Variants in LTBP1 observed in about 807,000 individuals in gnomAD.
The protein encoded by LTBP1 is latent-transforming growth factor beta-binding protein 1.
In LTBP1, 129 loss-of-function variants were observed where a neutral mutation model predicts 207.6. That is an observed-to-expected ratio of 0.62 (90% CI 0.54 to 0.72). The LOEUF is 0.72. Among genes scored for constraint, LTBP1 ranks in the 30% least tolerant of loss-of-function variants. The pLI is 0.00. For missense variants in LTBP1, 2,281 were observed against 2,217.2 expected (o/e 1.03, Z -0.58); for synonymous variants, 963 against 833.7 (o/e 1.16, Z -2.67).
At chr2:32,978,522 A>G (rs140659804) in intron 2 of LTBP1, among the ~76,000 whole-genome samples, 2,156 of 152,200 alleles carry the variant, frequency 0.014, 149 homozygotes, top group Admixed American at 0.13. Flanking sequence ...CATATGTTGA[A>G]CCATCCTTGC....
intron 9 of LTBP1, among the ~76,000 whole-genome samples, chr2:33,239,752 A>AAC (rs998317408): frequency 6.6e-6 from 1 of 150,928 alleles, no homozygotes; most frequent in Non-Finnish European, 1.5e-5. Context: ...AAAAAAAAAA[A>AAC]AATTAGCTGG....
chr2:33,263,276 C>T lies in LTBP1; in HGVS notation c.2519-18C>T. ...AACGGGCTTTAATTTTCTTTTTATC[C>T]TCTGCTTCCTCATATAGTAGTGATT... On this transcript the variant is annotated intron_variant, in intron 14 of 33. Coordinates refer to ENST00000404816, the MANE Select transcript of LTBP1 (RefSeq NM_206943.4). 2.6e-6 allele frequency: 4 copies of T among 1,513,418 alleles called. No individual in the cohort carries two copies. Among genetic ancestry groups the T allele is most frequent in the Non-Finnish European group, 1.8e-6 (2 of 1,090,046 alleles). The allele number at this position is 1,513,418 out of a possible 1,614,324, so 93.7% of individuals were successfully genotyped here.
At chr2:33,043,681 T>G (rs921436550) in intron 3 of LTBP1, among the ~76,000 whole-genome samples, 5 of 152,070 alleles carry the variant, frequency 3.3e-5, no homozygotes, top group Non-Finnish European at 7.4e-5. Context: ...AAGAAGGAAT[T>G]TGGCTGAGCA....
intron 22 of LTBP1, among the ~76,000 whole-genome samples, chr2:33,302,970 CACACACACACACACAA>C (rs1294907218): frequency 1.2e-3 from 179 of 150,806 alleles, no homozygotes; most frequent in African/African-American, 3.8e-3. Context: ...CACACACACA[CACACACACACACACAA>C]ACACACACAA....
At chr2:32,988,903 A>G (rs1201241754) in intron 2 of LTBP1, among the ~76,000 whole-genome samples, 1 of 151,970 alleles carries the variant, frequency 6.6e-6, no homozygotes, top group Non-Finnish European at 1.5e-5. Context: ...TTTGGGTAAT[A>G]TTGCATAATT....
At chr2:33,173,390 A>C (rs919225907) in intron 5 of LTBP1, among the ~76,000 whole-genome samples, 16 of 152,176 alleles carry the variant, frequency 1.1e-4, no homozygotes, top group South Asian at 6.2e-4. Flanking sequence ...TACGCAAATA[A>C]ACTATAAAAT....
intron 7 of LTBP1, among the ~76,000 whole-genome samples, chr2:33,204,160 T>G (rs2149151913): frequency 6.6e-6 from 1 of 152,232 alleles, no homozygotes; most frequent in East Asian, 1.9e-4. Flanking sequence ...CTCCTGAACC[T>G]TCTCTAAGAC....
chr2:33,277,440 G>A (rs777251516), intron 18 of LTBP1, among the ~76,000 whole-genome samples: 1 of 152,156 alleles, frequency 6.6e-6, no homozygotes, highest in Non-Finnish European at 1.5e-5. Context: ...CTGACCTGTA[G>A]CCACTGACTT....
chr2:33,006,571 C>T (rs1402343548), intron 2 of LTBP1, among the ~76,000 whole-genome samples: 5 of 151,444 alleles, frequency 3.3e-5, no homozygotes, highest in Admixed American at 1.3e-4. Context: ...TTATTAGAGA[C>T]GGGATTTCAC....
intron 18 of LTBP1, among the ~76,000 whole-genome samples, chr2:33,276,150 C>G (rs1351954205): frequency 6.6e-6 from 1 of 152,100 alleles, no homozygotes; most frequent in African/African-American, 2.4e-5. Flanking sequence ...ATCTGCCTCT[C>G]TGGTATTTGG....
chr2:33,389,992 A>G (rs2095301789), intron 32 of LTBP1, among the ~76,000 whole-genome samples: 1 of 152,188 alleles, frequency 6.6e-6, no homozygotes, highest in Non-Finnish European at 1.5e-5. Context: ...GTGGTGGACT[A>G]GTTTGAGGGC....
At chr2:33,017,186 G>A (rs9808119) in intron 2 of LTBP1, among the ~76,000 whole-genome samples, 2,023 of 152,214 alleles carry the variant, frequency 0.013, 38 homozygotes, top group African/African-American at 0.047. Context: ...GTATAGATAT[G>A]GAAAATGACA....
In LTBP1 at chr2:33,280,031, T is replaced by G. The variant is rs755713268; in HGVS notation, c.2993-8T>G. The G allele has an allele frequency of 3.1e-6, 5 of 1,613,008 alleles. No homozygotes were observed. The Admixed American group carries it at 5.0e-5, about 16-fold the overall frequency. On this transcript the variant is annotated splice_polypyrimidine_tract_variant and splice_region_variant and intron_variant, in intron 18 of 33. Coordinates refer to ENST00000404816, the MANE Select transcript of LTBP1 (RefSeq NM_206943.4). Reference sequence around the variant, plus strand: ...AAATGTTCACGACCTAGGTTTTTGATTTTTCAGATATTGATGAATGTTTGA... The same window carrying G: ...AAATGTTCACGACCTAGGTTTTTGAGTTTTCAGATATTGATGAATGTTTGA...
At chr2:33,040,646 G>A (rs1265951035) in intron 3 of LTBP1, among the ~76,000 whole-genome samples, 1 of 152,148 alleles carries the variant, frequency 6.6e-6, no homozygotes, top group Non-Finnish European at 1.5e-5. Flanking sequence ...CACACTTTGT[G>A]TTCCTGCCTG....
chr2:33,175,767 G>A (rs1480351546), intron 5 of LTBP1, among the ~76,000 whole-genome samples: 5 of 152,204 alleles, frequency 3.3e-5, no homozygotes, highest in Middle Eastern at 3.4e-3. Flanking sequence ...ATGGCCAACA[G>A]TGATAGACTG....
At chr2:33,042,418 T>G (rs1348386508) in intron 3 of LTBP1, among the ~76,000 whole-genome samples, 1 of 152,166 alleles carries the variant, frequency 6.6e-6, no homozygotes. Flanking sequence ...CAGTGTGATT[T>G]TGAAACAGGA....
intron 19 of LTBP1, among the ~76,000 whole-genome samples, chr2:33,282,802 C>T (rs1184501332): frequency 6.6e-6 from 1 of 152,176 alleles, no homozygotes; most frequent in African/African-American, 2.4e-5. Flanking sequence ...CGGTGGCTCA[C>T]GCCTGTAATC....
Position 33,076,057 on chromosome 2 carries a change from A to G in LTBP1, c.864-34525A>G, listed in dbSNP as rs558610201. 2.0e-4 allele frequency among the ~76,000 whole-genome samples: 31 copies of G among 152,276 alleles called. 1 individual carries two copies. The South Asian group carries it at 6.2e-3, about 31-fold the overall frequency. On this transcript the variant is annotated intron_variant, in intron 3 of 33. Transcript: ENST00000404816. ...TTGCCCATGTGCAACAGTAAAAAGG[A>G]ATATTAAGGTATGTTTGGAGTTGTA...
Position 33,360,776 on chromosome 2 carries a change from A to G in LTBP1, c.4180A>G (p.Thr1394Ala). 6.2e-7 allele frequency: 1 copy of G among 1,613,786 alleles called. No individual in the cohort carries two copies. The highest frequency in any genetic ancestry group is 8.5e-7 in the Non-Finnish European group (1 of 1,179,692). Reference sequence around the variant, plus strand: ...AATCTTCCCCTGCCCGGTCTTGGGAACTGGTAAGAATCCGCTTAGTGGTAG... The same window carrying G: ...AATCTTCCCCTGCCCGGTCTTGGGAGCTGGTAAGAATCCGCTTAGTGGTAG... Reference protein sequence around the residue: ...CEIFPCPVLGTAEFTEMCPKG... With the variant: ...CEIFPCPVLGAAEFTEMCPKG... Residue 1394 changes from threonine (T) to alanine (A), a missense_variant, in exon 27 of 34, where the codon ACT becomes GCT. Thr to Ala is a moderately conservative substitution (Grantham distance 58). Around this residue, in one of 3 missense-constraint regions of LTBP1, gnomAD observed 1,671 missense variants for 1,634.8 expected, o/e 1.02. Coordinates refer to ENST00000404816, the MANE Select transcript of LTBP1 (RefSeq NM_206943.4).
Sources: gnomAD v4.1 joint callset for allele counts (sites outside exome capture counted in the v4.1 genomes callset) on GRCh38, gnomAD v4.1.1 for gene constraint, gnomAD v4.1.1 regional missense constraint, MANE v1.5 for transcripts, NCBI Gene and HGNC (gene_info 2026-07-23, HGNC 2026-07-21) for gene names.